Variants in COL27A1 observed in about 807,000 individuals in gnomAD.
COL27A1 encodes the protein collagen type XXVII alpha 1 chain, also known as collagen alpha-1(XXVII) chain.
Under a neutral mutation model 251.3 loss-of-function variants are expected in COL27A1, and 106 were observed. That is an observed-to-expected ratio of 0.42 (90% CI 0.36 to 0.50). The LOEUF is 0.50. COL27A1 is among the 20% of genes least tolerant of loss of function. The pLI is 0.00. For synonymous variants in COL27A1, 1,000 were observed against 986.3 expected, an observed-to-expected ratio of 1.01 and a Z score of -0.26; for missense variants, 2,325 against 2,522.8, an observed-to-expected ratio of 0.92 and a Z score of 1.68.
intron 6 of COL27A1, among the ~76,000 whole-genome samples, chr9:114,195,234 T>G (rs1448085530): frequency 6.6e-6 from 1 of 152,232 alleles, no homozygotes; most frequent in Non-Finnish European, 1.5e-5. Context: ...TAGAATTGGC[T>G]GCTTTCTTTG....
intron 12 of COL27A1, chr9:114,218,167 G>T: frequency 4.5e-6 from 1 of 222,304 alleles, no homozygotes; most frequent in Non-Finnish European, 9.1e-6. Context: ...GTCCCAGGAG[G>T]TGAGACGATC....
chr9:114,281,308 G>A (rs1232607507), intron 37 of COL27A1, among the ~76,000 whole-genome samples: 9 of 152,292 alleles, frequency 5.9e-5, no homozygotes, highest in Middle Eastern at 3.4e-3. Flanking sequence ...CTTTCTCTCT[G>A]TGTCTGTCTC....
rs720310 is a variant in COL27A1 at position 114,306,173 on chromosome 9, C to T, written c.4939-347C>T. The T allele has an allele frequency of 8.4e-3, 1,636 of 194,460 alleles. 11 individuals are homozygous for T. The highest frequency in any genetic ancestry group is 0.025 in the South Asian group (256 of 10,170). The allele number at this position is 194,460 out of a possible 1,614,324, so 12.0% of individuals were successfully genotyped here. ...CCCAAGTCAGCTCCCCCCAGCACCT[C>T]CCCTTCCTCCACAGGCTCTTTGCAG... On this transcript the variant is annotated intron_variant, in intron 57 of 60. Transcript: ENST00000356083.
chr9:114,209,396 C>G, intron 10 of COL27A1: 1 of 718,416 alleles, frequency 1.4e-6, no homozygotes, highest in Non-Finnish European at 2.6e-6. Context: ...GGAGCCCTGG[C>G]GTGGGGCGGG....
At chr9:114,211,082 G>A (rs893412723) in intron 12 of COL27A1, 56 bp downstream of exon 12, 36 of 1,564,628 alleles carry the variant, frequency 2.3e-5, no homozygotes, top group Non-Finnish European at 2.9e-5. Context: ...CACCTCCCAC[G>A]GCCACGCTGC....
chr9:114,309,533 T>A, intron 60 of COL27A1, 55 bp downstream of exon 60: 1 of 1,374,434 alleles, frequency 7.3e-7, no homozygotes, highest in Non-Finnish European at 1.0e-6. Context: ...GGAAAAACAC[T>A]TGTTTGGAAA....
intron 27 of COL27A1, 150 bp downstream of exon 27, chr9:114,253,082 A>G: frequency 1.5e-6 from 1 of 687,536 alleles, no homozygotes; most frequent in South Asian, 1.8e-5. Context: ...AAACATACCA[A>G]AACCTTGTCT....
intron 27 of COL27A1, among the ~76,000 whole-genome samples, chr9:114,255,404 T>A (rs1441208266): frequency 6.6e-6 from 1 of 152,150 alleles, no homozygotes; most frequent in Non-Finnish European, 1.5e-5. Flanking sequence ...ATCATCGAGT[T>A]CTATCCCTGG....
At chr9:114,216,314 C>G (rs530080479) in intron 12 of COL27A1, among the ~76,000 whole-genome samples, 418 of 152,372 alleles carry the variant, frequency 2.7e-3, no homozygotes, top group Non-Finnish European at 4.3e-3. Flanking sequence ...CTGCTGCAGC[C>G]AGGAGCTCGG....
In COL27A1 at chr9:114,231,082, G is replaced by A. The variant is rs773605610; in HGVS notation, c.2470G>A (p.Asp824Asn). Residue 824 changes from aspartate (D) to asparagine (N), a missense_variant, in exon 15 of 61, where the codon GAC becomes AAC. Physicochemically the swap from Asp to Asn is conservative, Grantham distance 23. Transcript: ENST00000356083. ...TCTTCTCTTTCTCTCCCCACAGGGT[G>A]ACTTAGGAGTGTTGGGTCCGATTGG... The part of the protein sequence containing the change: ...GPPGVPGLIG[D>N]LGVLGPIGYP... 6.2e-7 allele frequency: 1 copy of A among 1,612,846 alleles called. No homozygotes were observed. Among genetic ancestry groups the A allele is most frequent in the African/African-American group, 1.3e-5 (1 of 74,914 alleles).
chr9:114,290,461 C>A lies in COL27A1; in HGVS notation c.4368+130C>A. ...GGCAGAACCAACACATCCAGAAGTT[C>A]TCTGGGGTGGGCAACCATCTCCTCC... On this transcript the variant is annotated intron_variant, in intron 47 of 60. Coordinates refer to ENST00000356083, the MANE Select transcript of COL27A1 (RefSeq NM_032888.4). The surrounding 1 kb of genome is among the most constrained non-coding windows in gnomAD (Gnocchi z 4.6). 2.6e-6 allele frequency: 2 copies of A among 766,990 alleles called. No homozygotes were observed. The highest frequency in any genetic ancestry group is 4.3e-6 in the Non-Finnish European group (2 of 464,098). 47.5% of individuals were successfully genotyped at this position (766,990 alleles called of 1,614,324 possible).
intron 1 of COL27A1, among the ~76,000 whole-genome samples, chr9:114,162,437 C>T (rs1281925617): frequency 6.6e-6 from 1 of 152,234 alleles, no homozygotes; most frequent in Non-Finnish European, 1.5e-5. Flanking sequence ...GCTTTCTATG[C>T]ACTGCTTCTT....
intron 4 of COL27A1, among the ~76,000 whole-genome samples, chr9:114,181,662 A>T (rs2135165951): frequency 6.6e-6 from 1 of 152,258 alleles, no homozygotes; most frequent in East Asian, 1.9e-4. Context: ...TTAGGGCTCT[A>T]TTTATATTAC....
chr9:114,154,990 G>C (rs1302129493), upstream of COL27A1, among the ~76,000 whole-genome samples: 1 of 152,042 alleles, frequency 6.6e-6, no homozygotes, highest in Non-Finnish European at 1.5e-5. The surrounding 1 kb of genome is among the most constrained non-coding windows in gnomAD (Gnocchi z 5.8). Context: ...TAGTGGTGGT[G>C]GTGGGGTGCG....
rs897024826 is a variant in COL27A1, at chr9:114,288,899, C to T, written c.4099-15C>T. The T allele has an allele frequency of 2.5e-6, 4 of 1,613,548 alleles. No homozygotes were observed. Among genetic ancestry groups the T allele is most frequent in the Non-Finnish European group, 3.4e-6 (4 of 1,179,944 alleles). On this transcript the variant is annotated splice_polypyrimidine_tract_variant and intron_variant, in intron 43 of 60. Transcript: ENST00000356083. ...CAGGATGGGCCCCCCTCACCTGTCTCTCTTTGGCTTCCAGGGACAGGAGGG... is the reference window on the plus strand; with the variant it reads ...CAGGATGGGCCCCCCTCACCTGTCTTTCTTTGGCTTCCAGGGACAGGAGGG...
chr9:114,235,440 C>T (rs867594478), intron 16 of COL27A1, among the ~76,000 whole-genome samples, 159 bp from the exon 17 acceptor site: 5 of 152,174 alleles, frequency 3.3e-5, no homozygotes, highest in South Asian at 2.1e-4. Flanking sequence ...CTGCTTTCCT[C>T]GCCAGGGGCC....
chr9:114,172,742 C>T (rs544482070), intron 3 of COL27A1, among the ~76,000 whole-genome samples: 30 of 152,070 alleles, frequency 2.0e-4, no homozygotes, highest in African/African-American at 2.7e-4. Flanking sequence ...TGTGATGAGC[C>T]GAGATCATGC....
chr9:114,302,699 C>T (rs1038360188), intron 56 of COL27A1, among the ~76,000 whole-genome samples: 1 of 147,558 alleles, frequency 6.8e-6, no homozygotes, highest in Non-Finnish European at 1.5e-5. Flanking sequence ...CAGACCAAGA[C>T]TCTGTCTCAA....
At position 114,201,259 on chromosome 9, in the gene COL27A1, C is replaced by T. The variant is rs569690915; in HGVS notation, c.2125-3843C>T. On this transcript the variant is annotated intron_variant, in intron 7 of 60. Coordinates refer to ENST00000356083, the MANE Select transcript of COL27A1 (RefSeq NM_032888.4). ...CCCTTAGTGCCAGTCAGGCACCGAT[C>T]GCAAACTGGAAAGTCACTGCCCACG... Among the ~76,000 whole-genome samples, 22 of 152,380 alleles carry T rather than the reference C, an allele frequency of 1.4e-4. No individual in the cohort carries two copies. The East Asian group carries it at 3.9e-3, about 27-fold the overall frequency.
Sources: allele counts gnomAD v4.1 joint callset (sites outside exome capture counted in the v4.1 genomes callset), GRCh38; gene constraint gnomAD v4.1.1; non-coding constraint Gnocchi (gnomAD v3.1); transcripts MANE v1.5; gene names NCBI Gene and HGNC (gene_info 2026-07-23, HGNC 2026-07-21).